The following LPAR1 variants were observed in gnomAD, a reference collection of about 807,000 sequenced individuals.
The protein encoded by LPAR1 is lysophosphatidic acid receptor 1.
In LPAR1, 5 loss-of-function variants were observed where a neutral mutation model predicts 23.8. The observed-to-expected ratio is 0.21, with a 90% CI of 0.11 to 0.44. The LOEUF (loss-of-function observed/expected upper bound fraction) is 0.44, where lower values mean the gene tolerates loss of function less well. LPAR1 is among the 20% of genes least tolerant of loss of function. The pLI is 0.99. For synonymous variants in LPAR1, 160 were observed against 164.7 expected (o/e 0.97, Z 0.22); for missense variants, 311 against 482.8 (o/e 0.64, Z 3.33).
intron 5 of LPAR1, among the ~76,000 whole-genome samples, chr9:110,908,550 G>A (rs991304899): frequency 5.9e-5 from 9 of 152,298 alleles, no homozygotes; most frequent in African/African-American, 2.2e-4. Flanking sequence ...TTTAGTAACT[G>A]CATTGAATGG....
At chr9:111,008,210 AGGACAAAATAT>A (rs1184379161) in intron 2 of LPAR1, among the ~76,000 whole-genome samples, 1 of 152,172 alleles carries the variant, frequency 6.6e-6, no homozygotes, top group African/African-American at 2.4e-5. Context: ...ATATATTTGA[AGGACAAAATAT>A]GTCCTGCTAT....
At chr9:110,977,846 G>GGGAA (rs1196226719) in intron 2 of LPAR1, among the ~76,000 whole-genome samples, 2,480 of 75,092 alleles carry the variant, frequency 0.033, 86 homozygotes, top group East Asian at 0.13. Flanking sequence ...GAAGGAAGGA[G>GGGAA]GGAAGGAAGG....
At chr9:110,989,024 A>G (rs540064180) in intron 2 of LPAR1, among the ~76,000 whole-genome samples, 1 of 152,324 alleles carries the variant, frequency 6.6e-6, no homozygotes, top group South Asian at 2.1e-4. Flanking sequence ...TGAAAAGCCA[A>G]TCAAAAAAGG....
intron 5 of LPAR1, among the ~76,000 whole-genome samples, chr9:110,904,502 TA>T (rs1564422002): frequency 1.3e-5 from 2 of 152,128 alleles, no homozygotes; most frequent in East Asian, 3.9e-4. Flanking sequence ...AAAGACATAG[TA>T]AATAAATAGA....
intron 5 of LPAR1, among the ~76,000 whole-genome samples, chr9:110,932,562 G>A (rs1348112051): frequency 3.3e-5 from 5 of 152,326 alleles, no homozygotes; most frequent in East Asian, 1.9e-4. Context: ...TCAGGGGTTC[G>A]AAATCCCCAG....
chr9:111,002,524 G>A (rs1025347092), intron 2 of LPAR1, among the ~76,000 whole-genome samples: 4 of 152,146 alleles, frequency 2.6e-5, no homozygotes, highest in Non-Finnish European at 4.4e-5. Context: ...ATGGCTCAAT[G>A]TGGGAACATA....
chr9:111,002,729 A>G (rs995719141), intron 2 of LPAR1, among the ~76,000 whole-genome samples: 63 of 152,206 alleles, frequency 4.1e-4, no homozygotes, highest in African/African-American at 1.4e-3. Context: ...TTTTCCTGCT[A>G]AGGCTAATGG....
At chr9:110,885,136 A>G (rs1026813430) in intron 5 of LPAR1, among the ~76,000 whole-genome samples, 10 of 152,184 alleles carry the variant, frequency 6.6e-5, no homozygotes, top group Non-Finnish European at 1.2e-4. Flanking sequence ...TAATTTAGTC[A>G]ATACAGTGTC....
At chr9:110,956,060 A>C (rs1423335839) in intron 4 of LPAR1, among the ~76,000 whole-genome samples, 1 of 152,194 alleles carries the variant, frequency 6.6e-6, no homozygotes, top group Non-Finnish European at 1.5e-5. Flanking sequence ...TAGGGCATAA[A>C]AAAAGGATGA....
intron 2 of LPAR1, among the ~76,000 whole-genome samples, chr9:111,010,573 G>A (rs2097313883): frequency 6.6e-6 from 1 of 152,098 alleles, no homozygotes; most frequent in African/African-American, 2.4e-5. Flanking sequence ...AAGGACCAGT[G>A]CAACCAAGAA....
At chr9:110,898,119 T>C (rs372485545) in intron 5 of LPAR1, among the ~76,000 whole-genome samples, 1 of 152,304 alleles carries the variant, frequency 6.6e-6, no homozygotes, top group East Asian at 1.9e-4. Flanking sequence ...GGGAATCCAG[T>C]GAAAGCCATG....
At chr9:110,911,517 G>C (rs1488408317) in intron 5 of LPAR1, among the ~76,000 whole-genome samples, 1 of 152,058 alleles carries the variant, frequency 6.6e-6, no homozygotes, top group Non-Finnish European at 1.5e-5. Context: ...ACTCCAGCCT[G>C]GGTGACAGAG....
intron 2 of LPAR1, among the ~76,000 whole-genome samples, chr9:110,991,999 T>TG (rs930445395): frequency 1.2e-4 from 18 of 151,054 alleles, no homozygotes; most frequent in African/African-American, 4.4e-4. Context: ...AAAAGCTTGT[T>TG]TTTTTTTTTC....
chr9:110,943,930 T>G (rs2095278974), intron 4 of LPAR1, among the ~76,000 whole-genome samples: 1 of 151,734 alleles, frequency 6.6e-6, no homozygotes, highest in Non-Finnish European at 1.5e-5. Context: ...TTTTAAGGGC[T>G]TATGAGTGCA....
intron 2 of LPAR1, among the ~76,000 whole-genome samples, chr9:110,977,698 C>T (rs1042012266): frequency 6.9e-6 from 1 of 145,270 alleles, no homozygotes; most frequent in Non-Finnish European, 1.5e-5. Context: ...GTGCATCAAA[C>T]CACCATGGCA....
chr9:110,919,758 G>C (rs772345461), intron 5 of LPAR1, among the ~76,000 whole-genome samples: 1 of 152,130 alleles, frequency 6.6e-6, no homozygotes, highest in Admixed American at 6.5e-5. Context: ...ACCACTGTGG[G>C]AGTTTCAATG....
chr9:111,015,722 A>C (rs990330869), intron 2 of LPAR1, among the ~76,000 whole-genome samples: 20 of 152,180 alleles, frequency 1.3e-4, no homozygotes, highest in Non-Finnish European at 2.5e-4. Flanking sequence ...CACCATAAAA[A>C]ATTATATAGG....
rs1035543568 is a variant in LPAR1, at chr9:110,875,511, G to A, written c.1005C>T (p.Thr335=). Residue 335 remains threonine (T), a synonymous_variant, in exon 6 of 6, where the codon ACC becomes ACT. Coordinates refer to ENST00000683809, the MANE Select transcript of LPAR1 (RefSeq NM_001351411.2). ...ILCCQRSENP[T]GPTEGSDRSA... ...AGCGGTCTGAGCCTTCTGTGGGGCC[G>A]GTGGGGTTCTCACTGCGCTGGCAGC... 17 of 1,613,950 alleles carry A rather than the reference G, an allele frequency of 1.1e-5. No homozygotes were observed. Among genetic ancestry groups the A allele is most frequent in the Admixed American group, 5.0e-5 (3 of 59,998 alleles).
chr9:111,029,409 CCCTTCTA>C (rs1023368826), intron 2 of LPAR1, among the ~76,000 whole-genome samples: 32 of 152,192 alleles, frequency 2.1e-4, no homozygotes, highest in African/African-American at 7.7e-4. Flanking sequence ...GTCTCCAGTA[CCCTTCTA>C]CCTCCACAAG....
Sources: allele counts gnomAD v4.1 joint callset (sites outside exome capture counted in the v4.1 genomes callset), GRCh38; gene constraint gnomAD v4.1.1; transcripts MANE v1.5; gene names NCBI Gene and HGNC (gene_info 2026-07-23, HGNC 2026-07-21).